Variants in LRRK2 observed in about 807,000 individuals in gnomAD.
LRRK2 encodes the protein leucine-rich repeat serine/threonine-protein kinase 2.
LRRK2 carries 203 observed loss-of-function variants against 302.6 expected under a neutral mutation model. That is an observed-to-expected ratio of 0.67 (90% CI 0.60 to 0.75). The LOEUF is 0.75. Ranked by LOEUF, LRRK2 falls within the 30% of genes least tolerant of loss-of-function variation. LRRK2 has a pLI of 0.00. For missense variants in LRRK2, 2,830 were observed against 2,951.0 expected, an observed-to-expected ratio of 0.96 and a Z score of 0.95; for synonymous variants, 1,066 against 1,031.9, an observed-to-expected ratio of 1.03 and a Z score of -0.63.
chr12:40,276,728 G>A (rs1383682039), intron 16 of LRRK2, among the ~76,000 whole-genome samples: 1 of 152,216 alleles, frequency 6.6e-6, no homozygotes, highest in Non-Finnish European at 1.5e-5. Context: ...CTGTCCCTCA[G>A]ACATACATAA....
intron 41 of LRRK2, among the ~76,000 whole-genome samples, chr12:40,345,899 A>G (rs991405799): frequency 2.0e-5 from 3 of 152,114 alleles, no homozygotes; most frequent in African/African-American, 7.2e-5. Context: ...TTTTTTCCAC[A>G]TATTTGATAA....
chr12:40,293,253 T>C (rs552723668), intron 20 of LRRK2, among the ~76,000 whole-genome samples: 3 of 152,182 alleles, frequency 2.0e-5, no homozygotes, highest in Non-Finnish European at 2.9e-5. Context: ...CTCTGAGGAA[T>C]AGATTTATTT....
intron 38 of LRRK2, among the ~76,000 whole-genome samples, chr12:40,326,499 A>AC (rs1945557442): frequency 6.6e-6 from 1 of 151,548 alleles, no homozygotes; most frequent in Non-Finnish European, 1.5e-5. Flanking sequence ...GAAAAAAAAA[A>AC]CAACTAGAAG....
At chr12:40,289,449 T>A (rs903217741) in intron 20 of LRRK2, among the ~76,000 whole-genome samples, 1 of 150,728 alleles carries the variant, frequency 6.6e-6, no homozygotes, top group African/African-American at 2.4e-5. Context: ...TTTATTGTAA[T>A]TAAGTCCATA....
chr12:40,244,554 T>G (rs2136447529), intron 7 of LRRK2, among the ~76,000 whole-genome samples: 1 of 152,164 alleles, frequency 6.6e-6, no homozygotes, highest in Non-Finnish European at 1.5e-5. Flanking sequence ...TAAAAAATAT[T>G]TATTTGCCAT....
At chr12:40,325,676 G>C (rs150939831) in intron 38 of LRRK2, among the ~76,000 whole-genome samples, 1 of 152,258 alleles carries the variant, frequency 6.6e-6, no homozygotes, top group Non-Finnish European at 1.5e-5. Context: ...TACAGGTAGC[G>C]ACTCCAGCAT....
At chr12:40,275,344 G>A (rs1257657484) in intron 16 of LRRK2, among the ~76,000 whole-genome samples, 2 of 152,054 alleles carry the variant, frequency 1.3e-5, no homozygotes, top group African/African-American at 4.8e-5. Flanking sequence ...TTTTATTGCA[G>A]GTTGCTTACC....
At chr12:40,225,807 G>A (rs1484098575) in intron 2 of LRRK2, among the ~76,000 whole-genome samples, 167 bp downstream of exon 2, 1 of 152,168 alleles carries the variant, frequency 6.6e-6, no homozygotes, top group Non-Finnish European at 1.5e-5. Flanking sequence ...ATTACGCAAT[G>A]TAAACGGGAT....
intron 24 of LRRK2, 141 bp from the exon 25 acceptor site, chr12:40,298,968 T>C: frequency 1.9e-6 from 1 of 534,392 alleles, no homozygotes; most frequent in East Asian, 4.3e-5. Flanking sequence ...TTTTATCAAC[T>C]GACTTACATT....
At chr12:40,351,508 G>A (rs1946351160) in intron 43 of LRRK2, 31 bp from the exon 44 acceptor site, 4 of 1,602,020 alleles carry the variant, frequency 2.5e-6, no homozygotes, top group Admixed American at 1.7e-5. Context: ...AACTCGATAA[G>A]TACTGTTTTG....
intron 6 of LRRK2, among the ~76,000 whole-genome samples, chr12:40,242,440 A>G (rs888330292): frequency 1.3e-5 from 2 of 151,998 alleles, no homozygotes; most frequent in African/African-American, 4.8e-5. Context: ...TTTTTCTGGT[A>G]GAGTCTTTCT....
At chr12:40,279,988 G>C (rs1052648551) in intron 18 of LRRK2, among the ~76,000 whole-genome samples, 2 of 152,178 alleles carry the variant, frequency 1.3e-5, no homozygotes, top group African/African-American at 4.8e-5. Flanking sequence ...ACTATCTAGA[G>C]CAAGGGTGGA....
intron 14 of LRRK2, among the ~76,000 whole-genome samples, chr12:40,273,495 G>A (rs1943321586): frequency 1.3e-5 from 2 of 152,122 alleles, no homozygotes; most frequent in East Asian, 3.9e-4. Context: ...GAGGCATTAG[G>A]GGACTAGACT....
intron 29 of LRRK2, 72 bp from the exon 30 acceptor site, chr12:40,309,034 A>ATT: frequency 1.4e-6 from 2 of 1,409,934 alleles, no homozygotes; most frequent in Non-Finnish European, 2.0e-6. Flanking sequence ...ATTCTCCCAG[A>ATT]TTTTTTTTTA....
At chr12:40,281,673 T>C (rs1192400586) in intron 18 of LRRK2, among the ~76,000 whole-genome samples, 1 of 152,236 alleles carries the variant, frequency 6.6e-6, no homozygotes, top group Non-Finnish European at 1.5e-5. Flanking sequence ...TTAATTCTTA[T>C]TTTTGCTGGC....
chr12:40,235,767 A>C, intron 4 of LRRK2, 53 bp downstream of exon 4: 3 of 974,740 alleles, frequency 3.1e-6, no homozygotes, highest in Non-Finnish European at 4.9e-6. Context: ...AAAAGTTGAT[A>C]CCATTAAGTA....
rs200529791 is a variant in LRRK2 at position 40,274,834 on chromosome 12, C to CT, written c.1802-11dup. On this transcript the variant is annotated intron_variant, in intron 15 of 50. Coordinates refer to ENST00000298910, the MANE Select transcript of LRRK2 (RefSeq NM_198578.4). Reference sequence around the variant, plus strand: ...TTCAGTTTTGAGATTTAAAACAATTCTTTTTTTTTATTTTCCTAGAAATTC... The same window carrying CT: ...TTCAGTTTTGAGATTTAAAACAATTCTTTTTTTTTTATTTTCCTAGAAATTC... 1,368 of 1,600,746 alleles carry CT rather than the reference C, an allele frequency of 8.5e-4. 8 individuals carry two copies. In the East Asian group the frequency reaches 0.02, roughly 24 times the overall value.
At position 40,334,825 on chromosome 12, in the gene LRRK2, A is replaced by G. The variant is rs1035575794; in HGVS notation, c.5758-142A>G. Reference sequence around the variant, plus strand: ...TATTACTGAAAATACGGGAAAAAAAACTCAGAGAAGAAATGGAAAGTTTGC... The same window carrying G: ...TATTACTGAAAATACGGGAAAAAAAGCTCAGAGAAGAAATGGAAAGTTTGC... On this transcript the variant is annotated intron_variant, in intron 39 of 50. Coordinates refer to ENST00000298910, the MANE Select transcript of LRRK2 (RefSeq NM_198578.4). 4 of 971,842 alleles carry G rather than the reference A, an allele frequency of 4.1e-6. No individual in the cohort carries two copies. The Admixed American group carries it at 8.3e-5, about 20-fold the overall frequency. 60.2% of individuals were successfully genotyped at this position (971,842 alleles called of 1,614,324 possible).
At position 40,243,572 on chromosome 12, in the gene LRRK2, GA is replaced by G; in HGVS notation, c.730del (p.Ser244ValfsTer14). The G allele has an allele frequency of 6.2e-7, 1 of 1,611,820 alleles. No homozygotes were observed. Among genetic ancestry groups the G allele is most frequent in the Non-Finnish European group, 8.5e-7 (1 of 1,178,454 alleles). ...IPCNNVEVLM[S>X]GNVRCYNIVV... is the part of the protein sequence containing the mutation. ...CAGGCAATAATGTGGAAGTCCTCAT[GA>G]GTGGCAATGTCAGGTGTTATAATAT... On this transcript the variant is annotated frameshift_variant, in exon 7 of 51. Transcript: ENST00000298910. LOFTEE classifies it high-confidence loss of function.
Sources: gnomAD v4.1 joint callset for allele counts (sites outside exome capture counted in the v4.1 genomes callset) on GRCh38, gnomAD v4.1.1 for gene constraint, MANE v1.5 for transcripts, NCBI Gene and HGNC (gene_info 2026-07-23, HGNC 2026-07-21) for gene names.